Variants in PAK3 observed in about 807,000 individuals in gnomAD.
PAK3 encodes p21 (RAC1) activated kinase 3.
Under a neutral mutation model 41.0 loss-of-function variants are expected in PAK3, and 4 were observed. The ratio of observed to expected loss-of-function variants is 0.10; its 90% CI spans 0.05 to 0.22. PAK3 has a LOEUF of 0.22. PAK3 is among the 10% of genes least tolerant of loss of function. The pLI is 1.00. For missense variants in PAK3, 205 were observed against 409.9 expected (o/e 0.50, Z 4.32); for synonymous variants, 146 against 139.6 (o/e 1.05, Z -0.32).
Position 111,227,209 on chromosome X carries a change from G to T in PAK3, c.*6762G>T, listed in dbSNP as rs1283616928. On this transcript the variant is annotated 3_prime_UTR_variant, in exon 18 of 18. Transcript: ENST00000372007. ...GACCTCAGCATCCAATCTTTTTAAG[G>T]ATTTTTGTTTTCAATATTGTTATTT... 1 of 112,142 alleles carries T rather than the reference G, an allele frequency of 8.9e-6. No homozygotes were observed. The highest frequency in any genetic ancestry group is 1.9e-5 in the Non-Finnish European group (1 of 53,275). 9.2% of individuals were successfully genotyped at this position (112,142 alleles called of 1,213,427 possible). A position where few individuals can be genotyped will look rare whatever the true frequency, so the allele number is the denominator to read the frequency against.
At chrX:111,055,579 G>T (rs1454945472) in intron 1 of PAK3, among the ~76,000 whole-genome samples, 1 of 111,985 alleles carries the variant, frequency 8.9e-6, no homozygotes, top group Admixed American at 9.4e-5. Context: ...TCTTCCCCAG[G>T]AACAATTCTC....
In PAK3 at chrX:111,160,377, A is replaced by G. The variant is rs2094155648; in HGVS notation, c.469-2538A>G. Among the ~76,000 whole-genome samples, 4 of 111,548 alleles carry G rather than the reference A, an allele frequency of 3.6e-5. No individual in the cohort carries two copies. The South Asian group carries it at 1.1e-3, about 31-fold the overall frequency. On this transcript the variant is annotated intron_variant, in intron 8 of 17. Coordinates refer to ENST00000372007, the MANE Select transcript of PAK3 (RefSeq NM_002578.5). Reference sequence around the variant, plus strand: ...ATCTAACATTTTACAATTTTTTGATATTAAGTATACAATATCTGGAATGTA... The same window carrying G: ...ATCTAACATTTTACAATTTTTTGATGTTAAGTATACAATATCTGGAATGTA...
At chrX:110,980,855 C>G (rs1312034095) in intron 1 of PAK3, among the ~76,000 whole-genome samples, 1 of 112,392 alleles carries the variant, frequency 8.9e-6, no homozygotes, top group Admixed American at 9.4e-5. Flanking sequence ...GGGCATGACC[C>G]TCTCTGGAAC....
chrX:111,006,203 A>G (rs1569504872), intron 1 of PAK3, among the ~76,000 whole-genome samples: 1 of 112,408 alleles, frequency 8.9e-6, no homozygotes, highest in Non-Finnish European at 1.9e-5. Flanking sequence ...CAAAATTGCC[A>G]CAAAGGACAT....
chrX:111,088,744 G>T (rs2092908498), intron 1 of PAK3, among the ~76,000 whole-genome samples: 1 of 112,167 alleles, frequency 8.9e-6, no homozygotes, highest in Non-Finnish European at 1.9e-5. Flanking sequence ...TAGCAAAGCA[G>T]GTTTAAGGCA....
At chrX:110,944,427 GCCT>G (rs1271287495) in exon 1 of PAK3, 1 of 113,275 alleles carries the variant, frequency 8.8e-6, no homozygotes, top group Non-Finnish European at 1.9e-5. Context: ...CACCGAAGCA[GCCT>G]CCTCCTTCTC....
At chrX:111,048,319 A>C in intron 1 of PAK3, among the ~76,000 whole-genome samples, 1 of 110,906 alleles carries the variant, frequency 9.0e-6, no homozygotes, top group Non-Finnish European at 1.9e-5. Flanking sequence ...TCTCTTTATC[A>C]GTACTCTTAT....
chrX:111,124,022 C>T (rs931493427), intron 5 of PAK3, among the ~76,000 whole-genome samples: 1 of 111,707 alleles, frequency 9.0e-6, no homozygotes, highest in African/African-American at 3.3e-5. Flanking sequence ...AGGGCACTGA[C>T]ACCATAGAAA....
chrX:111,076,842 G>T (rs2088934868), intron 1 of PAK3, among the ~76,000 whole-genome samples: 1 of 111,704 alleles, frequency 9.0e-6, no homozygotes, highest in African/African-American at 3.3e-5. Flanking sequence ...GCAAGAGAAA[G>T]AAATAAAAGG....
intron 16 of PAK3, among the ~76,000 whole-genome samples, chrX:111,215,703 A>G (rs1317375666): frequency 8.9e-6 from 1 of 112,362 alleles, no homozygotes; most frequent in Non-Finnish European, 1.9e-5. Context: ...ATATACAATT[A>G]TTAGCAACTT....
intron 4 of PAK3, among the ~76,000 whole-genome samples, chrX:111,104,548 G>A (rs142391799): frequency 0.015 from 1,677 of 111,163 alleles, 24 homozygotes; most frequent in African/African-American, 0.051. Context: ...ACTTTCTAGC[G>A]ATGTTCTGGT....
intron 1 of PAK3, among the ~76,000 whole-genome samples, chrX:110,973,006 G>T (rs904907327): frequency 1.8e-5 from 2 of 111,415 alleles, no homozygotes; most frequent in Non-Finnish European, 3.8e-5. Flanking sequence ...AGAAGAAAAG[G>T]TTAGAGAAAA....
At chrX:111,072,219 A>G (rs1483364755) in intron 1 of PAK3, among the ~76,000 whole-genome samples, 1 of 112,892 alleles carries the variant, frequency 8.9e-6, no homozygotes, top group Non-Finnish European at 1.9e-5. Flanking sequence ...AAATTGCTAT[A>G]AAAATCATTT....
At chrX:111,214,646 T>C in intron 16 of PAK3, among the ~76,000 whole-genome samples, 1 of 111,453 alleles carries the variant, frequency 9.0e-6, no homozygotes, top group Non-Finnish European at 1.9e-5. Flanking sequence ...ACAAACCCTC[T>C]GGATGATTCT....
chrX:111,207,134 A>G (rs946233966), intron 16 of PAK3, among the ~76,000 whole-genome samples: 28 of 107,136 alleles, frequency 2.6e-4, no homozygotes, highest in Non-Finnish European at 4.8e-4. Flanking sequence ...ACATATATGT[A>G]TGTGTGTATA....
chrX:111,204,873 G>A (rs1324146662), intron 16 of PAK3, among the ~76,000 whole-genome samples: 1 of 52,397 alleles, frequency 1.9e-5, no homozygotes, highest in Non-Finnish European at 3.6e-5. Context: ...TCTTTCCTTT[G>A]CTTTGTTTTT....
intron 17 of PAK3, among the ~76,000 whole-genome samples, chrX:111,218,414 A>C (rs2094899789): frequency 8.9e-6 from 1 of 112,532 alleles, no homozygotes; most frequent in Non-Finnish European, 1.9e-5. Flanking sequence ...CTGTTCAAAT[A>C]GTAAATGATA....
At chrX:110,969,450 A>ATTTTTTTTTTTTT (rs35064494) in intron 1 of PAK3, among the ~76,000 whole-genome samples, 1 of 47,364 alleles carries the variant, frequency 2.1e-5, no homozygotes, top group African/African-American at 7.8e-5. Context: ...GACGTGGCTA[A>ATTTTTTTTTTTTT]TTTTTTTTTT....
At chrX:110,990,057 C>G (rs2091615021) in intron 1 of PAK3, among the ~76,000 whole-genome samples, 1 of 111,883 alleles carries the variant, frequency 8.9e-6, no homozygotes, top group African/African-American at 3.3e-5. Flanking sequence ...TGCTCCCAGA[C>G]AGCGGTGTCT....
Sources: allele counts gnomAD v4.1 joint callset (sites outside exome capture counted in the v4.1 genomes callset), GRCh38; gene constraint gnomAD v4.1.1; transcripts MANE v1.5; gene names NCBI Gene and HGNC (gene_info 2026-07-23, HGNC 2026-07-21).